STX8: variants seen among roughly 807,000 people sequenced by gnomAD.
STX8 encodes the protein syntaxin-8.
In STX8, 23 loss-of-function variants were observed where a neutral mutation model predicts 37.5. That is an observed-to-expected ratio of 0.61 (90% CI 0.44 to 0.87). The LOEUF is 0.87. STX8 is among the 40% of genes least tolerant of loss of function. The probability of loss-of-function intolerance (pLI) is 0.00; values close to 1 mark genes in which losing one functional copy is unlikely to be tolerated. For missense variants in STX8, 313 were observed against 284.7 expected, an observed-to-expected ratio of 1.10 and a Z score of -0.71; for synonymous variants, 115 against 99.1, an observed-to-expected ratio of 1.16 and a Z score of -0.95.
intron 7 of STX8, among the ~76,000 whole-genome samples, chr17:9,253,870 T>A (rs1277918176): frequency 2.0e-5 from 3 of 151,972 alleles, no homozygotes; most frequent in African/African-American, 7.3e-5. Context: ...GAACAACAAC[T>A]GATTGGGAAG....
At chr17:9,420,904 G>T (rs1194573014) in intron 6 of STX8, among the ~76,000 whole-genome samples, 2 of 152,148 alleles carry the variant, frequency 1.3e-5, no homozygotes, top group East Asian at 3.8e-4. Flanking sequence ...ACGTGCATGT[G>T]CCTTTAAGTA....
chr17:9,365,686 C>A (rs750018415), intron 7 of STX8, among the ~76,000 whole-genome samples: 2 of 152,206 alleles, frequency 1.3e-5, no homozygotes, highest in Admixed American at 1.3e-4. Context: ...CCTCAAAAGA[C>A]AGGGGGGCCA....
chr17:9,393,102 C>T (rs1396193116), intron 6 of STX8, among the ~76,000 whole-genome samples: 1 of 152,068 alleles, frequency 6.6e-6, no homozygotes, highest in East Asian at 1.9e-4. Flanking sequence ...TAATTGAACA[C>T]AACCAAAGAA....
At position 9,367,731 on chromosome 17, in the gene STX8, TTTGTTG is replaced by T. The variant is rs557706352; in HGVS notation, c.643+10815_643+10820del. ...TAGCATAATGTTAAAAAACAGAAGG[TTTGTTG>T]TTGTTGTTGTTGAGACACAGTCTTG... On this transcript the variant is annotated intron_variant, in intron 7 of 7. Transcript: ENST00000306357. Among the ~76,000 whole-genome samples the T allele has an allele frequency of 2.6e-5, 4 of 151,698 alleles. No homozygotes were observed. The East Asian group carries it at 5.8e-4, about 22-fold the overall frequency.
chr17:9,338,639 C>A (rs942083830), intron 7 of STX8, among the ~76,000 whole-genome samples: 5 of 152,196 alleles, frequency 3.3e-5, no homozygotes, highest in African/African-American at 1.2e-4. Flanking sequence ...TCTACTGATA[C>A]AGCATAGCTT....
chr17:9,390,260 G>A (rs1912165277), intron 6 of STX8, among the ~76,000 whole-genome samples: 1 of 152,160 alleles, frequency 6.6e-6, no homozygotes, highest in African/African-American at 2.4e-5. Flanking sequence ...AGTGGCTCAG[G>A]CCTGTAATCC....
chr17:9,499,661 G>A (rs888186371), intron 5 of STX8, among the ~76,000 whole-genome samples: 14 of 152,176 alleles, frequency 9.2e-5, no homozygotes, highest in Non-Finnish European at 1.3e-4. Context: ...GCCTCCCAAA[G>A]TGCTGGGATT....
At chr17:9,462,484 G>C (rs1905430628) in intron 6 of STX8, among the ~76,000 whole-genome samples, 1 of 152,184 alleles carries the variant, frequency 6.6e-6, no homozygotes, top group Admixed American at 6.5e-5. Flanking sequence ...TACTTTGGGA[G>C]GCCGAGGTGG....
intron 7 of STX8, among the ~76,000 whole-genome samples, chr17:9,255,178 GA>G (rs1308560664): frequency 1.3e-5 from 2 of 152,092 alleles, no homozygotes; most frequent in Non-Finnish European, 2.9e-5. Flanking sequence ...CAGATGCTGT[GA>G]ATTAGACAAA....
chr17:9,524,129 G>A (rs532377093), intron 4 of STX8, among the ~76,000 whole-genome samples: 11 of 152,240 alleles, frequency 7.2e-5, no homozygotes, highest in Middle Eastern at 3.4e-3. Context: ...GCCAATGTGC[G>A]GACTGATATG....
intron 6 of STX8, among the ~76,000 whole-genome samples, chr17:9,480,064 C>T (rs1045532053): frequency 3.9e-5 from 6 of 152,190 alleles, no homozygotes; most frequent in Non-Finnish European, 2.9e-5. Flanking sequence ...GCTTTTCTAA[C>T]CCTCAAACCA....
At chr17:9,422,366 CAA>C (rs1239710481) in intron 6 of STX8, among the ~76,000 whole-genome samples, 1 of 152,216 alleles carries the variant, frequency 6.6e-6, no homozygotes, top group African/African-American at 2.4e-5. Context: ...CTCGGCCTCC[CAA>C]AGTGCTGGGA....
chr17:9,283,371 T>C (rs1450084748), intron 7 of STX8: 11 of 152,056 alleles, frequency 7.2e-5, no homozygotes, highest in African/African-American at 2.7e-4. Context: ...TGAAACCCCG[T>C]CTCTACTAAA....
chr17:9,498,618 C>G (rs1243969926), intron 5 of STX8, among the ~76,000 whole-genome samples: 1 of 152,138 alleles, frequency 6.6e-6, no homozygotes, highest in African/African-American at 2.4e-5. Context: ...TACTAAGATT[C>G]CCCAGTGTGA....
intron 6 of STX8, among the ~76,000 whole-genome samples, chr17:9,409,519 CTTAA>C (rs1567548038): frequency 1.3e-5 from 2 of 152,104 alleles, no homozygotes; most frequent in African/African-American, 4.8e-5. Context: ...TTTAGTTGTA[CTTAA>C]TTGAATAATT....
chr17:9,389,195 CAGA>C (rs1912120910), intron 6 of STX8, among the ~76,000 whole-genome samples: 1 of 152,230 alleles, frequency 6.6e-6, no homozygotes, highest in Non-Finnish European at 1.5e-5. Context: ...GTTATGACCT[CAGA>C]AGATTTCCTA....
chr17:9,295,212 C>G (rs906092533), intron 7 of STX8, among the ~76,000 whole-genome samples: 6 of 152,166 alleles, frequency 3.9e-5, no homozygotes, highest in Non-Finnish European at 8.8e-5. Flanking sequence ...TTCATCCTAG[C>G]CATTTCTTCC....
At chr17:9,477,957 A>C (rs1045678160) in intron 6 of STX8, among the ~76,000 whole-genome samples, 1 of 151,918 alleles carries the variant, frequency 6.6e-6, no homozygotes, top group Non-Finnish European at 1.5e-5. Context: ...AGGCCCTATA[A>C]CCTCAACTCC....
intron 7 of STX8, among the ~76,000 whole-genome samples, chr17:9,271,385 C>CG (rs1378568104): frequency 1.3e-5 from 2 of 152,150 alleles, no homozygotes; most frequent in Non-Finnish European, 2.9e-5. Flanking sequence ...ACCCAGGAAG[C>CG]GGACGTTGCA....
Sources: gnomAD v4.1 joint callset for allele counts (sites outside exome capture counted in the v4.1 genomes callset) on GRCh38, gnomAD v4.1.1 for gene constraint, MANE v1.5 for transcripts, NCBI Gene and HGNC (gene_info 2026-07-23, HGNC 2026-07-21) for gene names.